Variants in MAGI1 observed in about 807,000 individuals in gnomAD.
MAGI1 encodes membrane-associated guanylate kinase, WW and PDZ domain-containing protein 1.
In MAGI1, 58 loss-of-function variants were observed where a neutral mutation model predicts 139.9. That is an observed-to-expected ratio of 0.41 (90% CI 0.34 to 0.52). The LOEUF (loss-of-function observed/expected upper bound fraction) is 0.52. Ranked by LOEUF, MAGI1 falls within the 20% of genes least tolerant of loss-of-function variation. The pLI, the probability that MAGI1 is intolerant of heterozygous loss-of-function variation, is 0.12. For synonymous variants in MAGI1, 812 were observed against 737.9 expected (o/e 1.10, Z -1.63); for missense variants, 1,874 against 1,901.6 (o/e 0.99, Z 0.27).
At chr3:65,579,847 C>CAAAA (rs11398879) in intron 2 of MAGI1, among the ~76,000 whole-genome samples, 2 of 122,926 alleles carry the variant, frequency 1.6e-5, no homozygotes, top group African/African-American at 3.2e-5. Flanking sequence ...AACTCCATCT[C>CAAAA]AAAAAAAAAA....
chr3:65,950,382 T>C (rs2063778512), intron 1 of MAGI1, among the ~76,000 whole-genome samples: 1 of 152,052 alleles, frequency 6.6e-6, no homozygotes, highest in African/African-American at 2.4e-5. Context: ...GTACTCTGCA[T>C]AGATCTGCAT....
intron 1 of MAGI1, among the ~76,000 whole-genome samples, chr3:65,739,783 T>C (rs2035102506): frequency 6.6e-6 from 1 of 152,128 alleles, no homozygotes; most frequent in African/African-American, 2.4e-5. Flanking sequence ...AAGTTTGCCA[T>C]CTTATATGGG....
At chr3:65,481,435 G>A (rs2107624696) in intron 3 of MAGI1, among the ~76,000 whole-genome samples, 1 of 152,306 alleles carries the variant, frequency 6.6e-6, no homozygotes, top group South Asian at 2.1e-4. Flanking sequence ...GTTTAGGAAA[G>A]TATGATGGTT....
At chr3:65,679,008 C>G (rs2087387850) in intron 1 of MAGI1, among the ~76,000 whole-genome samples, 1 of 152,062 alleles carries the variant, frequency 6.6e-6, no homozygotes, top group Non-Finnish European at 1.5e-5. Context: ...TTTTTACTTC[C>G]GTGTTCCACT....
Position 65,857,648 on chromosome 3 carries a change from T to C in MAGI1, c.313+180348A>G, listed in dbSNP as rs1014577650. On this transcript the variant is annotated intron_variant, in intron 1 of 22. Coordinates refer to ENST00000402939, the MANE Select transcript of MAGI1 (RefSeq NM_001033057.2). ...GTGATTTTTAGCTCTTCCAAGTATA[T>C]TGCCCCTTGGAAGACCTTATAAAGG... is the stretch of plus-strand genomic sequence containing the variant. Among the ~76,000 whole-genome samples the C allele has an allele frequency of 3.3e-5, 5 of 152,284 alleles. No individual in the cohort carries two copies. In the East Asian group the frequency reaches 7.7e-4, roughly 24 times the overall value.
intron 1 of MAGI1, among the ~76,000 whole-genome samples, chr3:65,684,490 A>G (rs2087849814): frequency 6.6e-6 from 1 of 152,188 alleles, no homozygotes; most frequent in South Asian, 2.1e-4. Flanking sequence ...AAGACGGATT[A>G]GTGGTTGTCA....
chr3:65,560,655 T>C lies in MAGI1; in HGVS notation c.430+61317A>G, dbSNP rs1053459343. On this transcript the variant is annotated intron_variant, in intron 2 of 22. Coordinates refer to ENST00000402939, the MANE Select transcript of MAGI1 (RefSeq NM_001033057.2). ...CCCTCCAGATAGGAAAAGAGGGACATAGGAAAGAAACAGCTCTGCAAAGGA... is the reference window on the plus strand; with the variant it reads ...CCCTCCAGATAGGAAAAGAGGGACACAGGAAAGAAACAGCTCTGCAAAGGA... 4.6e-5 allele frequency among the ~76,000 whole-genome samples: 7 copies of C among 152,172 alleles called. No homozygotes were observed. The South Asian group carries it at 8.3e-4, about 18-fold the overall frequency.
At chr3:65,704,722 T>A (rs369600956) in intron 1 of MAGI1, among the ~76,000 whole-genome samples, 1 of 152,028 alleles carries the variant, frequency 6.6e-6, no homozygotes. Flanking sequence ...TTCAAGTGCA[T>A]GACGACATAA....
intron 2 of MAGI1, among the ~76,000 whole-genome samples, chr3:65,595,705 C>T (rs917744814): frequency 2.0e-5 from 3 of 151,840 alleles, no homozygotes; most frequent in African/African-American, 7.3e-5. Flanking sequence ...AAACACCAAA[C>T]CTCAAGCATC....
chr3:65,814,260 A>C (rs1302563302), intron 1 of MAGI1, among the ~76,000 whole-genome samples: 2 of 152,144 alleles, frequency 1.3e-5, no homozygotes, highest in Non-Finnish European at 2.9e-5. Flanking sequence ...AACAGTCATG[A>C]TAAAATTCAT....
chr3:65,815,890 C>T (rs1044020738), intron 1 of MAGI1, among the ~76,000 whole-genome samples: 2 of 152,164 alleles, frequency 1.3e-5, no homozygotes, highest in Non-Finnish European at 2.9e-5. Flanking sequence ...AGAGGCAGAA[C>T]TGACTCCCCA....
intron 4 of MAGI1, among the ~76,000 whole-genome samples, chr3:65,475,293 A>T (rs548896468): frequency 6.6e-6 from 1 of 152,220 alleles, no homozygotes; most frequent in South Asian, 2.1e-4. Context: ...GGCTCACTGC[A>T]ACCTCTGCCT....
At chr3:65,388,236 A>C (rs1246756202) in intron 14 of MAGI1, among the ~76,000 whole-genome samples, 1 of 152,240 alleles carries the variant, frequency 6.6e-6, no homozygotes, top group Non-Finnish European at 1.5e-5. Context: ...GGTACATTGC[A>C]ACACATTTAG....
At chr3:65,649,678 T>C (rs915272380) in intron 1 of MAGI1, among the ~76,000 whole-genome samples, 1 of 151,746 alleles carries the variant, frequency 6.6e-6, no homozygotes. Flanking sequence ...AAGAAGAAAA[T>C]AGATAAAAGA....
intron 12 of MAGI1, among the ~76,000 whole-genome samples, chr3:65,422,988 T>C (rs1430850809): frequency 6.6e-6 from 1 of 152,148 alleles, no homozygotes; most frequent in Non-Finnish European, 1.5e-5. Context: ...GAGGAAGCAC[T>C]GAGACCTGTT....
chr3:65,387,410 A>C (rs1943541837), intron 14 of MAGI1, among the ~76,000 whole-genome samples: 1 of 144,610 alleles, frequency 6.9e-6, no homozygotes, highest in South Asian at 2.2e-4. Flanking sequence ...ACAGTGCTTT[A>C]CTTGTAAAAA....
At chr3:65,615,022 C>CAAAAAAAA (rs1294046769) in intron 2 of MAGI1, among the ~76,000 whole-genome samples, 1 of 83,030 alleles carries the variant, frequency 1.2e-5, no homozygotes. Flanking sequence ...ACTGTGTCTC[C>CAAAAAAAA]AAAAAAAAAA....
chr3:65,477,564 T>C (rs1440098205), intron 4 of MAGI1, among the ~76,000 whole-genome samples: 1 of 152,158 alleles, frequency 6.6e-6, no homozygotes, highest in Admixed American at 6.5e-5. Context: ...CACAACACTG[T>C]AGACTGAAGT....
At chr3:65,608,014 T>A (rs2082840013) in intron 2 of MAGI1, among the ~76,000 whole-genome samples, 1 of 152,228 alleles carries the variant, frequency 6.6e-6, no homozygotes, top group African/African-American at 2.4e-5. Flanking sequence ...AAAGCAGGTA[T>A]CATTAGCCCC....
Sources: allele counts gnomAD v4.1 joint callset (sites outside exome capture counted in the v4.1 genomes callset), GRCh38; gene constraint gnomAD v4.1.1; transcripts MANE v1.5; gene names NCBI Gene and HGNC (gene_info 2026-07-23, HGNC 2026-07-21).